ALK: variants seen among roughly 807,000 people sequenced by gnomAD.
ALK encodes the protein ALK tyrosine kinase receptor.
In ALK, 74 loss-of-function variants were observed where a neutral mutation model predicts 163.1. The observed-to-expected ratio is 0.45, with a 90% CI of 0.38 to 0.55. The LOEUF is 0.55. ALK is among the 20% of genes least tolerant of loss of function. The pLI, the probability that ALK is intolerant of heterozygous loss-of-function variation, is 0.00. For synonymous variants in ALK, 960 were observed against 843.2 expected (o/e 1.14, Z -2.40); for missense variants, 2,063 against 2,105.3 (o/e 0.98, Z 0.39).
intron 1 of ALK, among the ~76,000 whole-genome samples, chr2:29,822,580 G>A (rs1022430138): frequency 1.3e-5 from 2 of 152,210 alleles, no homozygotes; most frequent in Admixed American, 6.5e-5. Flanking sequence ...TGAGTGGTGT[G>A]TAAAAATTGA....
chr2:29,466,394 T>C (rs928147898), intron 4 of ALK, among the ~76,000 whole-genome samples: 2 of 152,130 alleles, frequency 1.3e-5, no homozygotes, highest in Admixed American at 6.6e-5. Context: ...CACCAAGCTT[T>C]ATCTGGAGAA....
chr2:29,683,890 C>T (rs1678156043), intron 3 of ALK, among the ~76,000 whole-genome samples: 1 of 152,164 alleles, frequency 6.6e-6, no homozygotes, highest in Admixed American at 6.5e-5. Context: ...ACAGAATGGT[C>T]TCTTGTGCAT....
At chr2:29,216,731 TGTTTGTGTTTTGTGTAC>T (rs1558618889) in intron 23 of ALK, among the ~76,000 whole-genome samples, 1 of 148,502 alleles carries the variant, frequency 6.7e-6, no homozygotes, top group East Asian at 2.0e-4. Context: ...TGTGTATATG[TGTTTGTGTTTTGTGTAC>T]GTGTGTGGTT....
chr2:29,400,798 A>G (rs995752366), intron 4 of ALK, among the ~76,000 whole-genome samples: 2 of 152,066 alleles, frequency 1.3e-5, no homozygotes, highest in East Asian at 1.9e-4. Context: ...AACATGGAGA[A>G]ACCCTGTCTC....
intron 22 of ALK, among the ~76,000 whole-genome samples, chr2:29,221,452 G>GC (rs908247656): frequency 2.0e-5 from 3 of 151,986 alleles, no homozygotes; most frequent in Admixed American, 6.6e-5. Flanking sequence ...TGTACACACA[G>GC]CCCCCCAAGT....
At chr2:29,542,459 T>G (rs1673438429) in intron 3 of ALK, among the ~76,000 whole-genome samples, 1 of 152,160 alleles carries the variant, frequency 6.6e-6, no homozygotes, top group South Asian at 2.1e-4. Flanking sequence ...CTCAGGAAAC[T>G]TCTTCAGGGG....
chr2:29,645,042 C>T (rs1184699470), intron 3 of ALK, among the ~76,000 whole-genome samples: 10 of 152,158 alleles, frequency 6.6e-5, no homozygotes, highest in Admixed American at 6.5e-5. Context: ...AAAGCCAAGA[C>T]TGCCCAGAAA....
At chr2:29,372,652 A>C (rs529230735) in intron 5 of ALK, among the ~76,000 whole-genome samples, 2 of 152,338 alleles carry the variant, frequency 1.3e-5, no homozygotes, top group African/African-American at 4.8e-5. Context: ...CTGGTACCAC[A>C]GGATGTAATG....
rs80237256 is a variant in ALK, at chr2:29,801,336, C to T, written c.668-83639G>A. Among the ~76,000 whole-genome samples the T allele has an allele frequency of 1.1e-4, 16 of 152,288 alleles. No homozygotes were observed. In the East Asian group the frequency reaches 1.9e-3, roughly 18 times the overall value. ...ATTTTTAAGCTCAATGACTAGTCAT[C>T]TATCACTCAGTCCCAGAGACAGTTT... On this transcript the variant is annotated intron_variant, in intron 1 of 28. Transcript: ENST00000389048.
At chr2:29,335,905 T>G (rs1667597815) in intron 5 of ALK, among the ~76,000 whole-genome samples, 1 of 152,004 alleles carries the variant, frequency 6.6e-6, no homozygotes, top group African/African-American at 2.4e-5. Flanking sequence ...CTGGGCGTGG[T>G]CATGGACACC....
chr2:29,618,106 G>A lies in ALK; in HGVS notation c.952+76744C>T, dbSNP rs530589650. ...GAGGGGTCAAGCCAGACCTTTAGAA[G>A]CTGCTCTTAGGTGCTGACCAACATT... On this transcript the variant is annotated intron_variant, in intron 3 of 28. Coordinates refer to ENST00000389048, the MANE Select transcript of ALK (RefSeq NM_004304.5). Among the ~76,000 whole-genome samples, 16 of 152,324 alleles carry A rather than the reference G, an allele frequency of 1.1e-4. 2 individuals carry two copies. The South Asian group carries it at 2.9e-3, about 28-fold the overall frequency.
At chr2:29,575,150 CAATT>C (rs1674488231) in intron 3 of ALK, among the ~76,000 whole-genome samples, 1 of 152,094 alleles carries the variant, frequency 6.6e-6, no homozygotes, top group Admixed American at 6.5e-5. Context: ...TCATAGAACT[CAATT>C]AAACCAAATT....
At chr2:29,286,640 AT>A in intron 9 of ALK, 1 of 148,806 alleles carries the variant, frequency 6.7e-6, no homozygotes, top group Non-Finnish European at 1.5e-5. Flanking sequence ...TTATTTATTT[AT>A]TTTTTGTTTT....
At chr2:29,683,112 C>T (rs1194208601) in intron 3 of ALK, among the ~76,000 whole-genome samples, 2 of 152,156 alleles carry the variant, frequency 1.3e-5, no homozygotes, top group Non-Finnish European at 2.9e-5. Context: ...CATGGTGGCT[C>T]ACACCTGTAA....
chr2:29,359,207 A>G (rs1167303561), intron 5 of ALK, among the ~76,000 whole-genome samples: 1 of 152,242 alleles, frequency 6.6e-6, no homozygotes, highest in Non-Finnish European at 1.5e-5. Flanking sequence ...CAGCATCCAC[A>G]CACAAACCAG....
intron 2 of ALK, among the ~76,000 whole-genome samples, chr2:29,709,822 T>C (rs148219854): frequency 6.2e-4 from 95 of 152,288 alleles, no homozygotes; most frequent in African/African-American, 2.2e-3. Context: ...ACCTTCCTAT[T>C]AGGTACTGAT....
At chr2:29,390,757 G>T (rs952564642) in intron 4 of ALK, among the ~76,000 whole-genome samples, 2 of 152,176 alleles carry the variant, frequency 1.3e-5, no homozygotes, top group Admixed American at 6.5e-5. Context: ...ATTTTTATGG[G>T]AGATAGCAGG....
intron 13 of ALK, among the ~76,000 whole-genome samples, chr2:29,236,872 G>A (rs1418251413): frequency 6.6e-6 from 1 of 152,058 alleles, no homozygotes; most frequent in Admixed American, 6.6e-5. Flanking sequence ...TATATCCCCA[G>A]CCTGGACCTC....
intron 1 of ALK, among the ~76,000 whole-genome samples, chr2:29,880,137 TG>T (rs1391766575): frequency 2.6e-5 from 4 of 152,228 alleles, no homozygotes; most frequent in Admixed American, 2.0e-4. Flanking sequence ...GAGAGATGTC[TG>T]CCTCATTAAT....
Sources: allele counts gnomAD v4.1 joint callset (sites outside exome capture counted in the v4.1 genomes callset), GRCh38; gene constraint gnomAD v4.1.1; transcripts MANE v1.5; gene names NCBI Gene and HGNC (gene_info 2026-07-23, HGNC 2026-07-21).